SLCO3A1: variants seen among roughly 807,000 people sequenced by gnomAD.
SLCO3A1 encodes PGE1 transporter.
A neutral mutation model predicts 63.1 loss-of-function variants in SLCO3A1; 27 were observed. The ratio of observed to expected loss-of-function variants is 0.43; its 90% CI spans 0.32 to 0.59. The LOEUF is 0.59. SLCO3A1 is among the 20% of genes least tolerant of loss of function. The pLI is 0.09. For missense variants in SLCO3A1, 773 were observed against 945.8 expected, an observed-to-expected ratio of 0.82 and a Z score of 2.40; for synonymous variants, 473 against 409.9, an observed-to-expected ratio of 1.15 and a Z score of -1.86.
At chr15:92,143,907 C>G (rs1328781598) in intron 7 of SLCO3A1, among the ~76,000 whole-genome samples, 1 of 152,108 alleles carries the variant, frequency 6.6e-6, no homozygotes, top group Non-Finnish European at 1.5e-5. Context: ...CATGGCTGCT[C>G]AGGAGATCTG....
rs1001147768 is a variant in SLCO3A1, at chr15:92,094,970, A to C, written c.736A>C (p.Ile246Leu). 7.5e-6 allele frequency: 12 copies of C among 1,602,194 alleles called. No individual in the cohort carries two copies. Among genetic ancestry groups the C allele is most frequent in the Non-Finnish European group, 9.4e-6 (11 of 1,169,250 alleles). The change falls in exon 3 of 10, where the codon ATT becomes CTT. Residue 246 changes from isoleucine to leucine, a missense_variant. By Grantham distance (5) the Ile-to-Leu change is conservative. Transcript: ENST00000318445. Reference sequence around the variant, plus strand: ...CAAAATCTACGTGGATGCGGTCTTCATTGACACAAGTAAGGAATATATCTC... The same window carrying C: ...CAAAATCTACGTGGATGCGGTCTTCCTTGACACAAGTAAGGAATATATCTC... Reference protein sequence around the residue: ...CTKIYVDAVFIDTSNLDITPD... With the variant: ...CTKIYVDAVFLDTSNLDITPD...
intron 3 of SLCO3A1, 142 bp from the exon 4 acceptor site, chr15:92,104,137 C>T (rs1224236620): frequency 2.1e-6 from 2 of 931,682 alleles, no homozygotes; most frequent in Non-Finnish European, 3.3e-6. Flanking sequence ...CAATAGGCTT[C>T]GTAGCCTGGC....
In SLCO3A1 at chr15:92,164,554, C is replaced by T; in HGVS notation, c.*1419C>T. 1.0e-6 allele frequency: 1 copy of T among 985,396 alleles called. No individual in the cohort carries two copies. Among genetic ancestry groups the T allele is most frequent in the African/African-American group, 1.7e-5 (1 of 57,344 alleles). 61.0% of individuals were successfully genotyped at this position (985,396 alleles called of 1,614,324 possible). A position where few individuals can be genotyped will look rare whatever the true frequency, so the allele number is the denominator to read the frequency against. ...TGGGTTTGTGTGTATGGGTGCAACACTTCCGGGGATAGGAAAGAAGAACAG... is the reference window on the plus strand; with the variant it reads ...TGGGTTTGTGTGTATGGGTGCAACATTTCCGGGGATAGGAAAGAAGAACAG... On this transcript the variant is annotated 3_prime_UTR_variant, in exon 10 of 10. Coordinates refer to ENST00000318445, the MANE Select transcript of SLCO3A1 (RefSeq NM_013272.4).
chr15:91,923,269 A>G (rs1898907471), intron 2 of SLCO3A1, among the ~76,000 whole-genome samples: 1 of 152,234 alleles, frequency 6.6e-6, no homozygotes, highest in African/African-American at 2.4e-5. Flanking sequence ...GTAGAAATTA[A>G]GGCACAGATG....
At chr15:91,869,436 T>C (rs1421515076) in intron 1 of SLCO3A1, among the ~76,000 whole-genome samples, 1 of 151,282 alleles carries the variant, frequency 6.6e-6, no homozygotes, top group African/African-American at 2.4e-5. Flanking sequence ...CTCAGGAGGC[T>C]GAGGCAGGAA....
chr15:92,153,421 GAC>G (rs751329818), intron 9 of SLCO3A1: 8 of 152,314 alleles, frequency 5.3e-5, no homozygotes, highest in Middle Eastern at 3.4e-3. Context: ...AGAAGACTAT[GAC>G]ACAGCTTCAT....
Position 91,985,348 on chromosome 15 carries a change from G to A in SLCO3A1, c.646+68890G>A, listed in dbSNP as rs537957375. On this transcript the variant is annotated intron_variant, in intron 2 of 9. Coordinates refer to ENST00000318445, the MANE Select transcript of SLCO3A1 (RefSeq NM_013272.4). ...CAGCACTCCATTCTGTGACAGCCCC[G>A]TTTCATTATTCCTTCTACTATTGAG... Among the ~76,000 whole-genome samples, 13 of 152,250 alleles carry A rather than the reference G, an allele frequency of 8.5e-5. No homozygotes were observed. The South Asian group carries it at 1.5e-3, about 17-fold the overall frequency.
intron 2 of SLCO3A1, among the ~76,000 whole-genome samples, chr15:92,018,929 C>CCT (rs1387178908): frequency 6.6e-6 from 1 of 152,138 alleles, no homozygotes; most frequent in Non-Finnish European, 1.5e-5. Context: ...TGGTGCTGGG[C>CCT]CTGGGACAAG....
At chr15:91,958,154 A>C (rs1900307564) in intron 2 of SLCO3A1, among the ~76,000 whole-genome samples, 1 of 152,230 alleles carries the variant, frequency 6.6e-6, no homozygotes, top group Non-Finnish European at 1.5e-5. Context: ...GAATGCATAG[A>C]ATATATGTTG....
intron 2 of SLCO3A1, among the ~76,000 whole-genome samples, chr15:91,928,962 G>A (rs1156586339): frequency 1.3e-5 from 2 of 152,174 alleles, no homozygotes; most frequent in East Asian, 1.9e-4. Context: ...TTTTCTGAGC[G>A]AGTCAGGAGT....
At chr15:92,106,216 G>T in intron 4 of SLCO3A1, among the ~76,000 whole-genome samples, 1 of 152,186 alleles carries the variant, frequency 6.6e-6, no homozygotes, top group East Asian at 1.9e-4. Flanking sequence ...GTTCCATGAT[G>T]GTTTCTACCA....
At chr15:91,888,354 C>T (rs977979662) in intron 1 of SLCO3A1, among the ~76,000 whole-genome samples, 2 of 152,110 alleles carry the variant, frequency 1.3e-5, no homozygotes, top group Non-Finnish European at 2.9e-5. Flanking sequence ...TGTCTTGGGC[C>T]CTTACAGATA....
chr15:91,934,159 G>T (rs1326152831), intron 2 of SLCO3A1, among the ~76,000 whole-genome samples: 1 of 152,134 alleles, frequency 6.6e-6, no homozygotes, highest in Non-Finnish European at 1.5e-5. Flanking sequence ...TTCTTACCTT[G>T]TAAGTACCAT....
chr15:91,947,727 G>A (rs943407721), intron 2 of SLCO3A1, among the ~76,000 whole-genome samples: 7 of 152,204 alleles, frequency 4.6e-5, no homozygotes, highest in African/African-American at 1.4e-4. Flanking sequence ...AGCCAGAAGC[G>A]TCTGTGCAGC....
intron 3 of SLCO3A1, among the ~76,000 whole-genome samples, chr15:92,099,578 G>A (rs1483478338): frequency 6.6e-6 from 1 of 152,074 alleles, no homozygotes; most frequent in East Asian, 1.9e-4. Flanking sequence ...GTTTTAAACT[G>A]GTTTAACTGT....
chr15:92,167,597 A>C (rs1161084936), downstream of SLCO3A1, among the ~76,000 whole-genome samples: 2 of 152,160 alleles, frequency 1.3e-5, no homozygotes, highest in Non-Finnish European at 2.9e-5. Flanking sequence ...TTTGGACCCC[A>C]CGCCCCTAGT....
chr15:92,139,720 G>A (rs1020963858), intron 7 of SLCO3A1, among the ~76,000 whole-genome samples: 6 of 152,032 alleles, frequency 3.9e-5, no homozygotes, highest in African/African-American at 9.7e-5. Flanking sequence ...TGTATGTGTC[G>A]AGGAATTTAT....
rs2047381942 is a variant in SLCO3A1 at position 92,084,427 on chromosome 15, T to G, written c.647-10454T>G. Among the ~76,000 whole-genome samples, 3 of 152,298 alleles carry G rather than the reference T, an allele frequency of 2.0e-5. No individual in the cohort carries two copies. The South Asian group carries it at 6.2e-4, about 32-fold the overall frequency. On this transcript the variant is annotated intron_variant, in intron 2 of 9. Coordinates refer to ENST00000318445, the MANE Select transcript of SLCO3A1 (RefSeq NM_013272.4). ...GGTAGGGATTGTTGTCATCCCATTT[T>G]ACAGAGGAGGAAACTGAGGCCGAGG...
intron 4 of SLCO3A1, among the ~76,000 whole-genome samples, chr15:92,112,814 A>G (rs889519916): frequency 6.6e-6 from 1 of 152,220 alleles, no homozygotes; most frequent in African/African-American, 2.4e-5. Context: ...AGGAAATACC[A>G]TCAGGAACTC....
Sources: gnomAD v4.1 joint callset for allele counts (sites outside exome capture counted in the v4.1 genomes callset) on GRCh38, gnomAD v4.1.1 for gene constraint, MANE v1.5 for transcripts, NCBI Gene and HGNC (gene_info 2026-07-23, HGNC 2026-07-21) for gene names.